The following CYP17A1 variants were observed in gnomAD, a reference collection of about 807,000 sequenced individuals.
The protein encoded by CYP17A1 is cytochrome P450 family 17 subfamily A member 1.
In CYP17A1, 27 loss-of-function variants were observed where a neutral mutation model predicts 38.5. The observed-to-expected ratio is 0.70, with a 90% confidence interval of 0.52 to 0.97. CYP17A1 has a LOEUF of 0.97. Ranked by LOEUF, CYP17A1 falls within the 50% of genes least tolerant of loss-of-function variation. CYP17A1 has a pLI of 0.00. For synonymous variants in CYP17A1, 263 were observed against 253.3 expected (o/e 1.04, Z -0.36); for missense variants, 549 against 645.9 (o/e 0.85, Z 1.63).
In CYP17A1 at chr10:102,830,728, C is replaced by T. The variant is rs267602347; in HGVS notation, c.1501G>A (p.Glu501Lys). 6.3e-7 allele frequency: 1 copy of T among 1,599,400 alleles called. No homozygotes were observed. Among genetic ancestry groups the T allele is most frequent in the Non-Finnish European group, 8.6e-7 (1 of 1,169,178 alleles). Residue 501 changes from glutamate (E) to lysine (K), a missense_variant, in exon 8 of 8, where the codon GAA (glutamate) becomes AAA (lysine). Coordinates refer to ENST00000369887, the MANE Select transcript of CYP17A1 (RefSeq NM_000102.4). The surrounding 1 kb of genome is among the most constrained non-coding windows in gnomAD (Gnocchi z 4.1). ...TAGGTGCTACCCTCAGCCTGGGCTT[C>T]CCTCCAGGCCTGGCGCACCTTGATC... is the stretch of plus-strand genomic sequence containing the variant. Reference protein sequence around the residue: ...VKIKVRQAWREAQAEGST With the variant: ...VKIKVRQAWRKAQAEGST
At chr10:102,834,418 C>T (rs1844132357) in intron 3 of CYP17A1, 1 of 550,856 alleles carries the variant, frequency 1.8e-6, no homozygotes, top group Non-Finnish European at 3.4e-6. Flanking sequence ...GAGACATGAG[C>T]CTGAAGGCTC....
chr10:102,835,503 G>GTAC, intron 1 of CYP17A1, 111 bp from the exon 2 acceptor site: 2 of 922,924 alleles, frequency 2.2e-6, no homozygotes, highest in Non-Finnish European at 3.6e-6. Context: ...TACCTGGCAT[G>GTAC]CTGACTCCCA....
intron 6 of CYP17A1, 195 bp from the exon 7 acceptor site, chr10:102,831,806 C>T (rs1844093637): frequency 5.1e-6 from 5 of 986,826 alleles, no homozygotes; most frequent in South Asian, 3.0e-5. Context: ...TCCTAACAGG[C>T]GCTTCTGTCT....
In CYP17A1 at chr10:102,832,514, G is replaced by A; in HGVS notation, c.1136C>T (p.Ser379Phe). ...GTCACTGGGAGGGCAGGCACACCTG[G>A]AGTCAACGTTGGCCTTGTGGGGGAT... Reference protein sequence around the residue: ...MLIPHKANVDSSIGEFAVDKG... With the variant: ...MLIPHKANVDFSIGEFAVDKG... Residue 379 changes from serine (S) to phenylalanine (F), a missense_variant, in exon 6 of 8, where the codon TCC becomes TTC. By Grantham distance (155) the Ser-to-Phe change is radical (BLOSUM62 -2). Coordinates refer to ENST00000369887, the MANE Select transcript of CYP17A1 (RefSeq NM_000102.4). The A allele has an allele frequency of 6.2e-7, 1 of 1,600,976 alleles. No homozygotes were observed. The highest frequency in any genetic ancestry group is 8.6e-7 in the Non-Finnish European group (1 of 1,168,026).
At chr10:102,836,852 C>A in intron 1 of CYP17A1, 2 of 596,068 alleles carry the variant, frequency 3.4e-6, no homozygotes, top group Non-Finnish European at 6.0e-6. Context: ...TCCTGGGCAG[C>A]CTGGTAGAGG....
At chr10:102,832,480 G>A in intron 6 of CYP17A1, 31 bp downstream of exon 6, 1 of 1,488,558 alleles carries the variant, frequency 6.7e-7, no homozygotes, top group Non-Finnish European at 9.4e-7. Flanking sequence ...ATGCATCATG[G>A]GGCTAGATGT....
intron 1 of CYP17A1, chr10:102,835,704 A>G (rs549483856): frequency 2.2e-5 from 9 of 409,424 alleles, no homozygotes; most frequent in South Asian, 6.4e-5. Flanking sequence ...TTTGCTCATC[A>G]GTTTCTGACC....
At chr10:102,836,755 A>C (rs1246173511) in intron 1 of CYP17A1, 1 of 442,966 alleles carries the variant, frequency 2.3e-6, no homozygotes, top group African/African-American at 2.0e-5. Context: ...GCACCTTCTC[A>C]GTCCATTAGA....
chr10:102,833,218 G>T lies in CYP17A1; in HGVS notation c.754-10C>A. The T allele has an allele frequency of 6.2e-7, 1 of 1,613,996 alleles. No homozygotes were observed. The highest frequency in any genetic ancestry group is 8.5e-7 in the Non-Finnish European group (1 of 1,180,022). On this transcript the variant is annotated splice_polypyrimidine_tract_variant and intron_variant, in intron 4 of 7. Coordinates refer to ENST00000369887, the MANE Select transcript of CYP17A1 (RefSeq NM_000102.4). Reference sequence around the variant, plus strand: ...CACTCCGGAATTTCTCCTGGGTTGGGTGAGGTTGGGAGACATTAATAAGGA... The same window carrying T: ...CACTCCGGAATTTCTCCTGGGTTGGTTGAGGTTGGGAGACATTAATAAGGA...
rs778389140 is a variant in CYP17A1 at position 102,837,093 on chromosome 10, C to T, written c.269G>A (p.Gly90Asp). Reference sequence around the variant, plus strand: ...TTGAGGCCGCCCAGAGAAGTCCTTGCCCTTCTTAATAAGCACCTCCTTGGC... The same window carrying T: ...TTGAGGCCGCCCAGAGAAGTCCTTGTCCTTCTTAATAAGCACCTCCTTGGC... ...QLAKEVLIKK[G>D]KDFSGRPQMA... The change falls in exon 1 of 8, where the codon GGC (glycine) becomes GAC (aspartate). Residue 90 changes from glycine (G) to aspartate (D), a missense_variant. By Grantham distance (94) the Gly-to-Asp change is moderately conservative (BLOSUM62 -1). This residue lies in a region of CYP17A1 where 289 missense variants were observed against 320.9 expected (regional missense o/e 0.90). Transcript: ENST00000369887. 12 of 1,606,034 alleles carry T rather than the reference C, an allele frequency of 7.5e-6. No individual in the cohort carries two copies. The highest frequency in any genetic ancestry group is 1.3e-5 in the African/African-American group (1 of 74,762).
At chr10:102,832,478 TG>T (rs746527981) in intron 6 of CYP17A1, 32 bp downstream of exon 6, 3 of 1,475,358 alleles carry the variant, frequency 2.0e-6, no homozygotes, top group African/African-American at 2.8e-5. Flanking sequence ...GAATGCATCA[TG>T]GGGCTAGATG....
chr10:102,832,572 C>A lies in CYP17A1; in HGVS notation c.1078G>T (p.Val360Leu). 6.2e-7 allele frequency: 1 copy of A among 1,611,138 alleles called. No homozygotes were observed. The highest frequency in any genetic ancestry group is 8.5e-7 in the Non-Finnish European group (1 of 1,177,282). ...GGGGCCACGGGCCTGAGGCGAAGCA[C>A]CTCTCGGATGGTGGCCTCCAGCAGG... Reference protein sequence around the residue: ...LLLLEATIREVLRLRPVAPML... With the variant: ...LLLLEATIRELLRLRPVAPML... The change falls in exon 6 of 8, where the codon GTG becomes TTG. Residue 360 changes from valine (V) to leucine (L), a missense_variant. Physicochemically the swap from Val to Leu is conservative, Grantham distance 32. Coordinates refer to ENST00000369887, the MANE Select transcript of CYP17A1 (RefSeq NM_000102.4).
At chr10:102,834,279 G>C (rs1844129278) in intron 3 of CYP17A1, 157 bp from the exon 4 acceptor site, 1 of 671,232 alleles carries the variant, frequency 1.5e-6, no homozygotes, top group Admixed American at 2.3e-5. Flanking sequence ...TGGGGACACA[G>C]AACGGGTTTA....
chr10:102,835,022 G>A lies in CYP17A1; in HGVS notation c.437-8C>T, dbSNP rs1844141176. The A allele has an allele frequency of 6.5e-7, 1 of 1,529,566 alleles. No individual in the cohort carries two copies. The highest frequency in any genetic ancestry group is 1.1e-5 in the South Asian group (1 of 89,576). The allele number at this position is 1,529,566 out of a possible 1,614,324, so 94.7% of individuals were successfully genotyped here. On this transcript the variant is annotated splice_region_variant and splice_polypyrimidine_tract_variant and intron_variant, in intron 2 of 7. Coordinates refer to ENST00000369887, the MANE Select transcript of CYP17A1 (RefSeq NM_000102.4). ...TACTGATTTCCTGACAAACTGAAGG[G>A]AGAGGGGGCATGAGGGTGGGAAATG...
intron 7 of CYP17A1, 98 bp from the exon 8 acceptor site, chr10:102,831,083 AACCCT>A: frequency 2.1e-6 from 1 of 485,126 alleles, no homozygotes; most frequent in South Asian, 1.8e-5. Context: ...CTGCCCAGGG[AACCCT>A]GATCTGAGGA....
rs769188557 is a variant in CYP17A1 at position 102,830,966 on chromosome 10, C to T, written c.1263G>A (p.Ala421=). 1.3e-5 allele frequency: 21 copies of T among 1,577,178 alleles called. No homozygotes were observed. The highest frequency in any genetic ancestry group is 6.9e-5 in the East Asian group (3 of 43,214). ...CTGACGGTGAGATGAGCTGGGTCCC[C>T]GCTGGATTCAAGAAACGCTCTGCAG... ...QFMPERFLNP[A]GTQLISPSVS... Residue 421 remains alanine (A), a synonymous_variant, in exon 8 of 8, where the codon GCG becomes GCA. Transcript: ENST00000369887. The surrounding 1 kb of genome is among the most constrained non-coding windows in gnomAD (Gnocchi z 4.1).
chr10:102,831,465 AG>A, intron 7 of CYP17A1, 42 bp downstream of exon 7: 1 of 1,610,750 alleles, frequency 6.2e-7, no homozygotes, highest in Non-Finnish European at 8.5e-7. Flanking sequence ...AGCAGAGTCC[AG>A]GCTCGCTGTG....
At chr10:102,834,197 G>A in intron 3 of CYP17A1, 75 bp from the exon 4 acceptor site, 1 of 784,416 alleles carries the variant, frequency 1.3e-6, no homozygotes. Flanking sequence ...CTCTCCTGGA[G>A]GCGGATCTTA....
chr10:102,834,169 T>C (rs2134083402), intron 3 of CYP17A1, 47 bp from the exon 4 acceptor site: 1 of 867,894 alleles, frequency 1.2e-6, no homozygotes, highest in Middle Eastern at 2.2e-4. Context: ...TCCATTTTGC[T>C]TCTCCAGCTG....
Sources: allele counts gnomAD v4.1 joint callset, GRCh38; gene constraint gnomAD v4.1.1; regional missense constraint gnomAD v4.1.1; non-coding constraint Gnocchi (gnomAD v3.1); transcripts MANE v1.5; gene names NCBI Gene and HGNC (gene_info 2026-07-23, HGNC 2026-07-21).